The following CHN1 variants were observed in gnomAD, a reference collection of about 807,000 sequenced individuals.
CHN1 encodes N-chimaerin.
Under a neutral mutation model 59.5 loss-of-function variants are expected in CHN1, and 37 were observed. The observed-to-expected ratio is 0.62, with a 90% CI of 0.48 to 0.82. The LOEUF (loss-of-function observed/expected upper bound fraction) is 0.82, where lower values mean the gene tolerates loss of function less well. Ranked by LOEUF, CHN1 falls within the 40% of genes least tolerant of loss-of-function variation. The pLI is 0.00. For missense variants in CHN1, 469 were observed against 571.0 expected (o/e 0.82, Z 1.82); for synonymous variants, 206 against 200.4 (o/e 1.03, Z -0.24).
At chr2:174,852,459 T>C (rs1346357904) in intron 6 of CHN1, among the ~76,000 whole-genome samples, 1 of 152,130 alleles carries the variant, frequency 6.6e-6, no homozygotes, top group African/African-American at 2.4e-5. Context: ...AAATATCACA[T>C]GCTCATAGAT....
chr2:174,805,685 A>C (rs534789591), intron 11 of CHN1, among the ~76,000 whole-genome samples: 1 of 152,354 alleles, frequency 6.6e-6, no homozygotes, highest in South Asian at 2.1e-4. Flanking sequence ...CGAGAAGGAA[A>C]TAAAGACTCT....
At chr2:174,984,900 ATTCT>A (rs1461874083) in intron 1 of CHN1, among the ~76,000 whole-genome samples, 1 of 152,244 alleles carries the variant, frequency 6.6e-6, no homozygotes, top group African/African-American at 2.4e-5. Context: ...TATGTAATAG[ATTCT>A]TTCTTCAACA....
intron 8 of CHN1, among the ~76,000 whole-genome samples, chr2:174,819,280 C>CTTTT (rs1190789886): frequency 2.0e-5 from 3 of 152,140 alleles, no homozygotes; most frequent in Non-Finnish European, 2.9e-5. Context: ...TTTTCTGCAA[C>CTTTT]CTAAAAGGGC....
chr2:174,960,398 A>ACTTT (rs1558999052), intron 1 of CHN1, among the ~76,000 whole-genome samples: 2 of 152,230 alleles, frequency 1.3e-5, no homozygotes, highest in African/African-American at 4.8e-5. Context: ...CATGAAAAGG[A>ACTTT]CTTTACCTTT....
At chr2:174,972,331 T>C (rs373767279) in intron 1 of CHN1, among the ~76,000 whole-genome samples, 32 of 152,256 alleles carry the variant, frequency 2.1e-4, no homozygotes, top group African/African-American at 7.7e-4. Flanking sequence ...ATCACTCCAA[T>C]AAGCTTAGTG....
chr2:174,824,180 G>C (rs1685602601), intron 8 of CHN1, among the ~76,000 whole-genome samples: 1 of 152,132 alleles, frequency 6.6e-6, no homozygotes, highest in African/African-American at 2.4e-5. Flanking sequence ...CAGACTTTTT[G>C]AACAAGCTGA....
chr2:174,961,321 T>C (rs912359798), intron 1 of CHN1, among the ~76,000 whole-genome samples: 20 of 152,128 alleles, frequency 1.3e-4, no homozygotes, highest in Admixed American at 9.8e-4. Flanking sequence ...GTGTGGTGGC[T>C]CACACCTGTA....
chr2:174,888,110 T>A (rs921803679), intron 5 of CHN1, among the ~76,000 whole-genome samples: 1 of 152,206 alleles, frequency 6.6e-6, no homozygotes, highest in East Asian at 1.9e-4. Context: ...ACATGTTCAA[T>A]AGAGACTCAA....
At chr2:174,930,316 A>C (rs1049333480) in intron 3 of CHN1, among the ~76,000 whole-genome samples, 1 of 152,206 alleles carries the variant, frequency 6.6e-6, no homozygotes, top group East Asian at 1.9e-4. Context: ...ATTATTGCAG[A>C]GAAGAGGACA....
At chr2:174,980,235 G>GT (rs1456736838) in intron 1 of CHN1, among the ~76,000 whole-genome samples, 2 of 151,954 alleles carry the variant, frequency 1.3e-5, no homozygotes, top group African/African-American at 4.8e-5. Flanking sequence ...CAAGACTTAC[G>GT]TAAAAAAAAG....
intron 6 of CHN1, among the ~76,000 whole-genome samples, chr2:174,856,405 A>G (rs1466148620): frequency 6.6e-6 from 1 of 152,206 alleles, no homozygotes; most frequent in Non-Finnish European, 1.5e-5. Flanking sequence ...TTTAAATCAC[A>G]CTATACTAAC....
At chr2:174,985,042 T>C (rs1691294627) in intron 1 of CHN1, among the ~76,000 whole-genome samples, 1 of 152,218 alleles carries the variant, frequency 6.6e-6, no homozygotes, top group African/African-American at 2.4e-5. Context: ...CTTTTCTTAT[T>C]CTATGATATG....
intron 3 of CHN1, among the ~76,000 whole-genome samples, chr2:174,930,498 G>C (rs532724545): frequency 6.6e-6 from 1 of 152,132 alleles, no homozygotes; most frequent in South Asian, 2.1e-4. Flanking sequence ...CTCAGAGGTG[G>C]TCAATGAGAC....
chr2:174,893,930 G>A (rs1478396524), intron 5 of CHN1, among the ~76,000 whole-genome samples: 2 of 151,976 alleles, frequency 1.3e-5, no homozygotes, highest in African/African-American at 4.8e-5. Context: ...TATATGCAAA[G>A]GAATCATCTG....
At chr2:174,958,310 C>T (rs1029981725) in intron 1 of CHN1, among the ~76,000 whole-genome samples, 1 of 152,130 alleles carries the variant, frequency 6.6e-6, no homozygotes, top group South Asian at 2.1e-4. Flanking sequence ...TATCCTTTCC[C>T]GGCAATAACC....
chr2:174,823,478 A>G (rs1005423213), intron 8 of CHN1, among the ~76,000 whole-genome samples: 20 of 152,138 alleles, frequency 1.3e-4, no homozygotes, highest in African/African-American at 4.6e-4. Context: ...CCTGGCTAAC[A>G]TGGTGAAACC....
chr2:174,816,240 G>GA (rs1461070730), intron 8 of CHN1, among the ~76,000 whole-genome samples: 1 of 152,200 alleles, frequency 6.6e-6, no homozygotes, highest in African/African-American at 2.4e-5. Flanking sequence ...AGAAAGTCAG[G>GA]ATCCCACTCA....
chr2:174,915,480 G>A (rs1347503651), intron 4 of CHN1, among the ~76,000 whole-genome samples: 2 of 148,540 alleles, frequency 1.3e-5, no homozygotes, highest in East Asian at 2.0e-4. Context: ...CCTTTCTTAC[G>A]TATCCATTTA....
chr2:174,963,025 TC>T (rs1248643106), intron 1 of CHN1, among the ~76,000 whole-genome samples: 4 of 152,204 alleles, frequency 2.6e-5, no homozygotes, highest in African/African-American at 7.2e-5. Context: ...CCATGAAGTG[TC>T]AGTAATACTT....
Sources: gnomAD v4.1 joint callset for allele counts (sites outside exome capture counted in the v4.1 genomes callset) on GRCh38, gnomAD v4.1.1 for gene constraint, MANE v1.5 for transcripts, NCBI Gene and HGNC (gene_info 2026-07-23, HGNC 2026-07-21) for gene names.